Variants in ICE2 observed in about 807,000 individuals in gnomAD.
ICE2 encodes interactor of little elongation complex ELL subunit 2.
In ICE2, 87 loss-of-function variants were observed where a neutral mutation model predicts 105.4. The observed-to-expected ratio is 0.83, with a 90% CI of 0.69 to 0.99. The LOEUF is 0.99. ICE2 is among the 50% of genes least tolerant of loss of function. The pLI is 0.00. For synonymous variants in ICE2, 399 were observed against 392.0 expected (o/e 1.02, Z -0.21); for missense variants, 1,323 against 1,146.7 (o/e 1.15, Z -2.22).
intron 9 of ICE2, 114 bp downstream of exon 9, chr15:60,453,489 G>A: frequency 6.9e-7 from 1 of 1,459,314 alleles, no homozygotes; most frequent in African/African-American, 1.4e-5. Flanking sequence ...ATTTCAGTTT[G>A]AATCTAAAGC....
In ICE2 at chr15:60,449,198, C is replaced by T. The variant is rs1239895752; in HGVS notation, c.1769G>A (p.Gly590Glu). 6.2e-7 allele frequency: 1 copy of T among 1,614,056 alleles called. No individual in the cohort carries two copies. Among genetic ancestry groups the T allele is most frequent in the South Asian group, 1.1e-5 (1 of 91,076 alleles). Residue 590 changes from glycine to glutamate, a missense_variant, in exon 10 of 16, where the codon GGA (glycine) becomes GAA (glutamate). By Grantham distance (98) the Gly-to-Glu change is moderately conservative. Transcript: ENST00000261520. ...IDTECKNNSD[G>E]KTAVVGSNLS... ...GTTAGAACCCACAACAGCTGTCTTT[C>T]CATCACTATTATTTTTACATTCTGT...
At chr15:60,437,001 C>A (rs1333091753) in intron 12 of ICE2, among the ~76,000 whole-genome samples, 1 of 151,868 alleles carries the variant, frequency 6.6e-6, no homozygotes, top group Non-Finnish European at 1.5e-5. Context: ...GCCTGAAATC[C>A]CCGCACTTTG....
chr15:60,449,020 TA>T lies in ICE2; in HGVS notation c.1946del (p.Leu649Ter). 1 of 1,613,818 alleles carries T rather than the reference TA, an allele frequency of 6.2e-7. No homozygotes were observed. Among genetic ancestry groups the T allele is most frequent in the Non-Finnish European group, 8.5e-7 (1 of 1,179,950 alleles). ...YKKFDPVGEILKMQDELLKPI... is the reference protein window; with the variant it reads ...YKKFDPVGEIXKMQDELLKPI... ...GCTTTAAGAGCTCATCCTGCATTTT[TA>T]AAATCTCTCCAACTGGATCAAATTT... is the stretch of plus-strand genomic sequence containing the variant. On this transcript the variant is annotated frameshift_variant, in exon 10 of 16. Transcript: ENST00000261520. LOFTEE classifies it high-confidence loss of function.
At chr15:60,457,550 T>G (rs2064159958) in intron 5 of ICE2, among the ~76,000 whole-genome samples, 1 of 152,180 alleles carries the variant, frequency 6.6e-6, no homozygotes, top group South Asian at 2.1e-4. Flanking sequence ...GACATCTTCT[T>G]TATGTATTAT....
intron 8 of ICE2, 134 bp downstream of exon 8, chr15:60,454,869 T>G: frequency 1.4e-6 from 1 of 734,366 alleles, no homozygotes; most frequent in Non-Finnish European, 2.1e-6. Flanking sequence ...CCCCACCCCC[T>G]GACAGGCCCC....
chr15:60,460,938 G>A (rs1278926228), intron 5 of ICE2, among the ~76,000 whole-genome samples: 1 of 152,150 alleles, frequency 6.6e-6, no homozygotes, highest in African/African-American at 2.4e-5. Context: ...CTCAATGCAA[G>A]CACCCCTGAC....
Position 60,423,307 on chromosome 15 carries a change from G to A in ICE2, c.*327C>T, listed in dbSNP as rs2063266591. The A allele has an allele frequency of 5.4e-6, 1 of 183,762 alleles. No homozygotes were observed. Among genetic ancestry groups the A allele is most frequent in the African/African-American group, 2.4e-5 (1 of 41,800 alleles). 11.4% of individuals were successfully genotyped at this position (183,762 alleles called of 1,614,324 possible). A position where few individuals can be genotyped will look rare whatever the true frequency, so the allele number is the denominator to read the frequency against. On this transcript the variant is annotated 3_prime_UTR_variant, in exon 16 of 16. Coordinates refer to ENST00000261520, the MANE Select transcript of ICE2 (RefSeq NM_024611.6). ...TAACTAACACAATACATAACGATAA[G>A]TGTTGTTCTTGATAAAAAACCAAAT...
At chr15:60,447,766 C>T (rs150926454) in intron 11 of ICE2, 4 of 420,106 alleles carry the variant, frequency 9.5e-6, no homozygotes, top group South Asian at 4.5e-5. Context: ...TGAATGTTAC[C>T]GGCATTTATG....
At chr15:60,443,637 C>T (rs2063765267) in intron 11 of ICE2, among the ~76,000 whole-genome samples, 1 of 152,158 alleles carries the variant, frequency 6.6e-6, no homozygotes, top group African/African-American at 2.4e-5. Context: ...AGGGACCATA[C>T]TTTCAGTAGG....
At chr15:60,449,877 T>C (rs2063920329) in intron 9 of ICE2, 36 bp from the exon 10 acceptor site, 1 of 1,508,980 alleles carries the variant, frequency 6.6e-7, no homozygotes, top group African/African-American at 1.4e-5. Flanking sequence ...TTAGTAAAAA[T>C]TTCAAGCCAC....
intron 11 of ICE2, chr15:60,447,659 T>C (rs1215896743): frequency 5.3e-6 from 1 of 187,082 alleles, no homozygotes; most frequent in Non-Finnish European, 1.1e-5. Flanking sequence ...TGTGTGGAAT[T>C]TTCCACTTGT....
In ICE2 at chr15:60,429,343, T is replaced by C. The variant is rs565227806; in HGVS notation, c.2562-656A>G. 1.6e-3 allele frequency among the ~76,000 whole-genome samples: 248 copies of C among 152,346 alleles called. 1 individual carries two copies. Among genetic ancestry groups the C allele is most frequent in the African/African-American group, 5.7e-3 (236 of 41,590 alleles). On this transcript the variant is annotated intron_variant, in intron 14 of 15. Coordinates refer to ENST00000261520, the MANE Select transcript of ICE2 (RefSeq NM_024611.6). Reference sequence around the variant, plus strand: ...GGGTGATAAATAAACAAATTAGAGATGCTAAGCAATTTGCCCAAAGTTGTG... The same window carrying C: ...GGGTGATAAATAAACAAATTAGAGACGCTAAGCAATTTGCCCAAAGTTGTG...
intron 5 of ICE2, among the ~76,000 whole-genome samples, chr15:60,464,486 C>T (rs896795670): frequency 1.3e-5 from 2 of 152,128 alleles, no homozygotes; most frequent in African/African-American, 4.8e-5. Flanking sequence ...TGATAGGTGA[C>T]ATCTGAACAG....
chr15:60,463,831 T>A (rs752782687), intron 5 of ICE2, among the ~76,000 whole-genome samples: 5 of 151,942 alleles, frequency 3.3e-5, no homozygotes, highest in Admixed American at 1.3e-4. Flanking sequence ...ACTACCACCC[T>A]CCATACACAC....
chr15:60,476,034 G>A, intron 3 of ICE2, 29 bp downstream of exon 3: 1 of 1,391,390 alleles, frequency 7.2e-7, no homozygotes, highest in Non-Finnish European at 9.9e-7. Context: ...CATCAAATAT[G>A]GAAATAAATA....
chr15:60,453,749 G>A lies in ICE2; in HGVS notation c.979C>T (p.Pro327Ser), dbSNP rs574139367. The change falls in exon 9 of 16, where the codon CCA (proline) becomes TCA (serine). Residue 327 changes from proline to serine, a missense_variant. Physicochemically the swap from Pro to Ser is moderately conservative, Grantham distance 74 (BLOSUM62 -1). Coordinates refer to ENST00000261520, the MANE Select transcript of ICE2 (RefSeq NM_024611.6). The part of the protein sequence containing the change: ...KPVKVIYINS[P>S]LPQKKMTMRE... Reference sequence around the variant, plus strand: ...ATAGTCATTTTCTTTTGGGGAAGTGGTGAATTAATATATATTACTTTAACT... The same window carrying A: ...ATAGTCATTTTCTTTTGGGGAAGTGATGAATTAATATATATTACTTTAACT... 9.4e-6 allele frequency: 15 copies of A among 1,591,308 alleles called. No individual in the cohort carries two copies. The African/African-American group carries it at 2.0e-4, about 21-fold the overall frequency.
chr15:60,457,452 T>A (rs2141100927), intron 5 of ICE2, among the ~76,000 whole-genome samples: 1 of 152,276 alleles, frequency 6.6e-6, no homozygotes, highest in South Asian at 2.1e-4. Context: ...ACACACACAT[T>A]ATCTTCTAAG....
chr15:60,453,937 T>C (rs1299188928), intron 8 of ICE2, among the ~76,000 whole-genome samples, 153 bp from the exon 9 acceptor site: 1 of 152,208 alleles, frequency 6.6e-6, no homozygotes, highest in Non-Finnish European at 1.5e-5. Flanking sequence ...GACTAGCAGA[T>C]ATTAAAGTCC....
intron 15 of ICE2, among the ~76,000 whole-genome samples, chr15:60,425,418 T>G (rs144431952): frequency 1.8e-3 from 273 of 152,300 alleles, no homozygotes; most frequent in Admixed American, 4.1e-3. Flanking sequence ...CAAGACTGTG[T>G]GTGTCTGAAT....
Sources: allele counts gnomAD v4.1 joint callset (sites outside exome capture counted in the v4.1 genomes callset), GRCh38; gene constraint gnomAD v4.1.1; transcripts MANE v1.5; gene names NCBI Gene and HGNC (gene_info 2026-07-23, HGNC 2026-07-21).